GREB1: variants seen among roughly 807,000 people sequenced by gnomAD.
GREB1 encodes the protein growth regulating estrogen receptor binding 1, also known as protein GREB1.
A neutral mutation model predicts 200.7 loss-of-function variants in GREB1; 106 were observed. That is an observed-to-expected ratio of 0.53 (90% CI 0.45 to 0.62). The LOEUF is 0.62. GREB1 is among the 20% of genes least tolerant of loss of function. GREB1 has a pLI of 0.00. For missense variants in GREB1, 2,243 were observed against 2,556.8 expected, an observed-to-expected ratio of 0.88 and a Z score of 2.65; for synonymous variants, 1,132 against 1,092.4, an observed-to-expected ratio of 1.04 and a Z score of -0.72.
At chr2:11,621,087 T>A in intron 23 of GREB1, 80 bp downstream of exon 23, 4 of 854,458 alleles carry the variant, frequency 4.7e-6, no homozygotes, top group Non-Finnish European at 8.1e-6. Context: ...TATATTTCAC[T>A]TTCTAGATGG....
At chr2:11,533,912 A>C (rs897994788), upstream of GREB1, among the ~76,000 whole-genome samples, 1 of 152,238 alleles carries the variant, frequency 6.6e-6, no homozygotes, top group African/African-American at 2.4e-5. Flanking sequence ...TGCACCATGC[A>C]AGATTGGGCA....
Position 11,600,813 on chromosome 2 carries a change from A to C in GREB1, c.2347A>C (p.Asn783His). Reference protein sequence around the residue: ...HWDLVSSTVHNLYSQSDPSVG... With the variant: ...HWDLVSSTVHHLYSQSDPSVG... ...CTCCTCCCTCAGTAGCACTGTTCATAACCTCTATTCTCAAAGTGACCCGTC... is the reference window on the plus strand; with the variant it reads ...CTCCTCCCTCAGTAGCACTGTTCATCACCTCTATTCTCAAAGTGACCCGTC... Residue 783 changes from asparagine (N) to histidine (H), a missense_variant, in exon 16 of 33, where the codon AAC becomes CAC. Coordinates refer to ENST00000381486, the MANE Select transcript of GREB1 (RefSeq NM_014668.4). 6.2e-7 allele frequency: 1 copy of C among 1,613,812 alleles called. No homozygotes were observed. Among genetic ancestry groups the C allele is most frequent in the Non-Finnish European group, 8.5e-7 (1 of 1,179,664 alleles).
intron 1 of GREB1, among the ~76,000 whole-genome samples, chr2:11,494,521 G>C (rs1672837559): frequency 6.6e-6 from 1 of 152,226 alleles, no homozygotes; most frequent in South Asian, 2.1e-4. Context: ...TGATGGAGGG[G>C]AACTTTGGTC....
rs1260436186 is a variant in GREB1 at position 11,580,736 on chromosome 2, G to A, written c.805G>A (p.Ala269Thr). The A allele has an allele frequency of 2.5e-6, 4 of 1,614,148 alleles. No individual in the cohort carries two copies. Among genetic ancestry groups the A allele is most frequent in the Non-Finnish European group, 3.4e-6 (4 of 1,179,992 alleles). Residue 269 changes from alanine (A) to threonine (T), a missense_variant, in exon 7 of 33, where the codon GCA (alanine) becomes ACA (threonine). Physicochemically the swap from Ala to Thr is moderately conservative, Grantham distance 58. This residue lies in a region of GREB1 where 1,178 missense variants were observed against 1,387.4 expected (regional missense o/e 0.85). Coordinates refer to ENST00000381486, the MANE Select transcript of GREB1 (RefSeq NM_014668.4). This position sits in a 1 kb window ranked among gnomAD's most constrained non-coding sequence, Gnocchi z 4.5. ...TTCTGATCACCCCTCACTAAACGCA[G>A]CAATGGGTCCGGCTGTTTTCAACGG... Reference protein sequence around the residue: ...PASDHPSLNAAMGPAVFNGKD... With the variant: ...PASDHPSLNATMGPAVFNGKD...
intron 7 of GREB1, chr2:11,581,279 C>T: frequency 2.0e-6 from 1 of 496,538 alleles, no homozygotes; most frequent in Non-Finnish European, 3.6e-6. Context: ...GAGAATTCTG[C>T]TCCAAGGGTT....
Position 11,637,781 on chromosome 2 carries a change from G to A in GREB1, c.5412G>A (p.Thr1804=), listed in dbSNP as rs754162635. The A allele has an allele frequency of 2.0e-5, 32 of 1,613,976 alleles. No individual in the cohort carries two copies. Among genetic ancestry groups the A allele is most frequent in the East Asian group, 1.8e-4 (8 of 44,890 alleles). ...TCTGTGCCCCGGACAGCAAGCACAC[G>A]TTCCTCGCAGCGCCCGCCCAGCTCC... ...QYICAPDSKH[T]FLAAPAQLLL... is the part of the protein sequence containing the mutation. Residue 1804 remains threonine (T), a synonymous_variant, in exon 31 of 33, where the codon ACG becomes ACA. Coordinates refer to ENST00000381486, the MANE Select transcript of GREB1 (RefSeq NM_014668.4).
intron 21 of GREB1, 140 bp downstream of exon 21, chr2:11,616,860 G>C: frequency 1.6e-6 from 1 of 641,818 alleles, no homozygotes; most frequent in South Asian, 1.8e-5. Flanking sequence ...TCTTTGAAGT[G>C]CTAGACTCTC....
chr2:11,509,161 A>G (rs1384645199), intron 1 of GREB1, among the ~76,000 whole-genome samples: 1 of 152,032 alleles, frequency 6.6e-6, no homozygotes. Context: ...GGTATGAGCC[A>G]CCGCGCCCGG....
chr2:11,519,479 G>C (rs1673632830), intron 1 of GREB1, among the ~76,000 whole-genome samples: 1 of 109,894 alleles, frequency 9.1e-6, no homozygotes, highest in African/African-American at 3.7e-5. Flanking sequence ...TTTTGAGGCA[G>C]AGTTTCGCTC....
chr2:11,619,051 A>C, intron 22 of GREB1, 132 bp downstream of exon 22: 4 of 929,288 alleles, frequency 4.3e-6, no homozygotes, highest in South Asian at 1.9e-5. Context: ...AATCTTCTCC[A>C]ATGGCCTGGG....
chr2:11,592,706 TCACTGCAC>T (rs1680854990), intron 10 of GREB1, 62 bp from the exon 11 acceptor site: 2 of 1,034,848 alleles, frequency 1.9e-6, no homozygotes, highest in South Asian at 3.6e-5. Flanking sequence ...TACTTTCACA[TCACTGCAC>T]CCGTGCGTCC....
At chr2:11,639,006 T>G (rs768194742) in intron 32 of GREB1, among the ~76,000 whole-genome samples, 197 bp downstream of exon 32, 4 of 152,216 alleles carry the variant, frequency 2.6e-5, no homozygotes, top group Non-Finnish European at 4.4e-5. Flanking sequence ...CTTTCCCCTA[T>G]ACCTGTTTGG....
intron 1 of GREB1, among the ~76,000 whole-genome samples, chr2:11,542,135 C>G (rs771052838): frequency 2.6e-5 from 4 of 152,134 alleles, no homozygotes; most frequent in Non-Finnish European, 4.4e-5. Flanking sequence ...CCCTTAGCAA[C>G]AAGTGGTAAT....
At chr2:11,586,636 C>T (rs1680129615) in intron 9 of GREB1, among the ~76,000 whole-genome samples, 1 of 152,142 alleles carries the variant, frequency 6.6e-6, no homozygotes, top group Non-Finnish European at 1.5e-5. Context: ...CACGCAGGCC[C>T]CTCTTAAATA....
In GREB1 at chr2:11,612,509, T is replaced by G. The variant is rs2304399; in HGVS notation, c.3021T>G (p.Ile1007Met). 2 of 1,610,200 alleles carry G rather than the reference T, an allele frequency of 1.2e-6. No homozygotes were observed. Among genetic ancestry groups the G allele is most frequent in the South Asian group, 2.2e-5 (2 of 90,972 alleles). ...GTTATCTGCAGATGTGGCAGAAAAT[T>G]GAGGATGTGGAGTGGAGACCCCAGA... ...FVKQLRMWQKIEDVEWRPQTY... is the reference protein window; with the variant it reads ...FVKQLRMWQKMEDVEWRPQTY... Residue 1007 changes from isoleucine to methionine, a missense_variant, in exon 19 of 33, where the codon ATT (isoleucine) becomes ATG (methionine). Physicochemically the swap from Ile to Met is conservative, Grantham distance 10 (BLOSUM62 1). Coordinates refer to ENST00000381486, the MANE Select transcript of GREB1 (RefSeq NM_014668.4).
At chr2:11,615,671 CTTGT>C (rs1683339998) in intron 20 of GREB1, among the ~76,000 whole-genome samples, 1 of 152,190 alleles carries the variant, frequency 6.6e-6, no homozygotes, top group Admixed American at 6.5e-5. Context: ...GTGTGATTTG[CTTGT>C]TTATTTCCTC....
intron 1 of GREB1, among the ~76,000 whole-genome samples, chr2:11,503,267 C>T (rs139146927): frequency 3.2e-4 from 49 of 152,226 alleles, no homozygotes; most frequent in African/African-American, 1.1e-3. Flanking sequence ...GATTTTCACA[C>T]GTTTATTACA....
At chr2:11,574,020 T>G (rs1035765747) in intron 4 of GREB1, among the ~76,000 whole-genome samples, 3 of 152,254 alleles carry the variant, frequency 2.0e-5, no homozygotes, top group Non-Finnish European at 2.9e-5. Context: ...TGAAGGTTTC[T>G]TCGGGCCTTG....
intron 17 of GREB1, among the ~76,000 whole-genome samples, chr2:11,605,144 CTTTTTTTTTTTTTTTTTTT>C (rs3035991): frequency 6.7e-5 from 3 of 44,818 alleles, no homozygotes; most frequent in Admixed American, 4.1e-4. Context: ...GAGCCTGCTT[CTTTTTTTTTTTTTTTTTTT>C]TTTTTTTTTT....
Sources: gnomAD v4.1 joint callset for allele counts (sites outside exome capture counted in the v4.1 genomes callset) on GRCh38, gnomAD v4.1.1 for gene constraint, gnomAD v4.1.1 regional missense constraint, Gnocchi (gnomAD v3.1) non-coding constraint, MANE v1.5 for transcripts, NCBI Gene and HGNC (gene_info 2026-07-23, HGNC 2026-07-21) for gene names.